ATG16L2: variants seen among roughly 807,000 people sequenced by gnomAD.
ATG16L2 encodes protein Atg16l2.
A neutral mutation model predicts 84.7 loss-of-function variants in ATG16L2; 77 were observed. The ratio of observed to expected loss-of-function variants is 0.91; its 90% confidence interval spans 0.76 to 1.10. The LOEUF is 1.10. Ranked by LOEUF, ATG16L2 falls within the 50% of genes least tolerant of loss-of-function variation. The probability of loss-of-function intolerance (pLI) is 0.00; values close to 1 mark genes in which losing one functional copy is unlikely to be tolerated. For missense variants in ATG16L2, 782 were observed against 817.6 expected, an observed-to-expected ratio of 0.96 and a Z score of 0.53; for synonymous variants, 361 against 342.8, an observed-to-expected ratio of 1.05 and a Z score of -0.59.
At position 72,824,855 on chromosome 11, in the gene ATG16L2, C is replaced by G. The variant is rs1242187703; in HGVS notation, c.996+13C>G. Reference sequence around the variant, plus strand: ...TCAGGATGTGCTGGTAAGGGAGGAGCTGAGCCACATGGGTGGGGCAGTGGT... The same window carrying G: ...TCAGGATGTGCTGGTAAGGGAGGAGGTGAGCCACATGGGTGGGGCAGTGGT... On this transcript the variant is annotated intron_variant, in intron 9 of 17. Transcript: ENST00000321297. 6.4e-7 allele frequency: 1 copy of G among 1,569,500 alleles called. No homozygotes were observed. The highest frequency in any genetic ancestry group is 1.8e-5 in the Admixed American group (1 of 55,406).
At chr11:72,836,377 G>A (rs1860727744) in intron 5 of ATG16L2, among the ~76,000 whole-genome samples, 1 of 152,160 alleles carries the variant, frequency 6.6e-6, no homozygotes, top group African/African-American at 2.4e-5. Flanking sequence ...TCCGGCAAGG[G>A]GACTTCAGTG....
At chr11:72,814,676 C>A in intron 1 of ATG16L2, 113 bp downstream of exon 1, 1 of 803,856 alleles carries the variant, frequency 1.2e-6, no homozygotes, top group Non-Finnish European at 1.8e-6. Context: ...GTGCCTTATG[C>A]CTTGAGCCTG....
intron 5 of ATG16L2, chr11:72,837,899 T>C (rs1381156056): frequency 6.6e-6 from 1 of 152,190 alleles, no homozygotes. Flanking sequence ...AGCTCAACAA[T>C]GCAGGTATGT....
downstream of ATG16L2, among the ~76,000 whole-genome samples, chr11:72,830,351 C>T (rs1591318226): frequency 6.6e-6 from 1 of 152,180 alleles, no homozygotes; most frequent in Non-Finnish European, 1.5e-5. Flanking sequence ...GTGACCCGTT[C>T]CTCCTGCACC....
chr11:72,842,613 T>G (rs1355610727), intron 5 of ATG16L2: 1 of 1,613,876 alleles, frequency 6.2e-7, no homozygotes, highest in Non-Finnish European at 8.5e-7. Context: ...GTCTCCCCTC[T>G]CAGGTACCTG....
exon 6 of ATG16L2, chr11:72,843,165 T>C (rs1383394081): frequency 1.2e-6 from 2 of 1,613,998 alleles, no homozygotes; most frequent in East Asian, 2.2e-5. Flanking sequence ...GGCATCTCCG[T>C]TGAGGCTGCC....
chr11:72,836,085 A>T (rs1860720678), intron 5 of ATG16L2, among the ~76,000 whole-genome samples: 1 of 152,218 alleles, frequency 6.6e-6, no homozygotes, highest in African/African-American at 2.4e-5. Flanking sequence ...GTGTACACTT[A>T]AGAGTCTTAT....
At chr11:72,816,933 G>A in intron 2 of ATG16L2, 106 bp downstream of exon 2, 2 of 863,118 alleles carry the variant, frequency 2.3e-6, no homozygotes, top group Non-Finnish European at 3.7e-6. Flanking sequence ...TCAGCCCTTG[G>A]CTGCTGCCCA....
chr11:72,822,071 G>T lies in ATG16L2; in HGVS notation c.420G>T (p.Ala140=). The part of the protein sequence containing the change: ...SRLAALEARV[A]QLREARAQQA... The stretch of plus-strand genomic sequence containing the variant: ...TGGCAGCCCTGGAGGCCCGCGTGGC[G>T]CAGCTGCGAGAGGCGCGGGCGCAGC... Residue 140 remains alanine (A), a synonymous_variant, in exon 5 of 18, where the codon GCG becomes GCT. Coordinates refer to ENST00000321297, the MANE Select transcript of ATG16L2 (RefSeq NM_033388.2). This position sits in a 1 kb window ranked among gnomAD's most constrained non-coding sequence, Gnocchi z 4.2. 1 of 1,530,006 alleles carries T rather than the reference G, an allele frequency of 6.5e-7. No individual in the cohort carries two copies. The highest frequency in any genetic ancestry group is 8.7e-7 in the Non-Finnish European group (1 of 1,152,582). 94.8% of individuals were successfully genotyped at this position (1,530,006 alleles called of 1,614,324 possible). A position where few individuals can be genotyped will look rare whatever the true frequency, so the allele number is the denominator to read the frequency against.
At chr11:72,838,234 G>A (rs1276836865) in intron 5 of ATG16L2, 2 of 153,398 alleles carry the variant, frequency 1.3e-5, no homozygotes, top group African/African-American at 4.8e-5. Context: ...TAAATTCAGG[G>A]CAGTCCAATT....
intron 5 of ATG16L2, among the ~76,000 whole-genome samples, chr11:72,840,153 G>A (rs1860869006): frequency 6.6e-6 from 1 of 152,094 alleles, no homozygotes; most frequent in East Asian, 1.9e-4. Context: ...AGCTGCCATA[G>A]CGATGCTTTA....
chr11:72,827,142 C>T (rs779406833), intron 13 of ATG16L2, 46 bp from the exon 14 acceptor site: 7 of 1,505,048 alleles, frequency 4.7e-6, no homozygotes, highest in Admixed American at 1.7e-5. Flanking sequence ...GGGTGGCTCC[C>T]GACAACCCTC....
intron 14 of ATG16L2, 83 bp from the exon 15 acceptor site, chr11:72,828,276 A>G: frequency 6.5e-7 from 1 of 1,529,612 alleles, no homozygotes; most frequent in Non-Finnish European, 8.9e-7. Flanking sequence ...GTTAGCTAGG[A>G]AGGCTGCTGC....
In ATG16L2 at chr11:72,821,654, C is replaced by T; in HGVS notation, c.319-14C>T. 2 of 1,532,192 alleles carry T rather than the reference C, an allele frequency of 1.3e-6. No homozygotes were observed. Among genetic ancestry groups the T allele is most frequent in the South Asian group, 1.2e-5 (1 of 83,666 alleles). 94.9% of individuals were successfully genotyped at this position (1,532,192 alleles called of 1,614,324 possible). On this transcript the variant is annotated splice_polypyrimidine_tract_variant and intron_variant, in intron 3 of 17. Coordinates refer to ENST00000321297, the MANE Select transcript of ATG16L2 (RefSeq NM_033388.2). Reference sequence around the variant, plus strand: ...GGGGCCTCAGCGCCGCCGTGCCCACCTGTCCGCCCCCAGATGGCCTACCAG... The same window carrying T: ...GGGGCCTCAGCGCCGCCGTGCCCACTTGTCCGCCCCCAGATGGCCTACCAG...
chr11:72,838,449 A>G, intron 5 of ATG16L2: 1 of 333,226 alleles, frequency 3.0e-6, no homozygotes, highest in Non-Finnish European at 5.8e-6. Flanking sequence ...AGTGCACATG[A>G]TCAGTAATTT....
Position 72,822,139 on chromosome 11 carries a change from A to C in ATG16L2, c.488A>C (p.Gln163Pro), listed in dbSNP as rs1166238586. 2.0e-6 allele frequency: 3 copies of C among 1,502,826 alleles called. No homozygotes were observed. The highest frequency in any genetic ancestry group is 1.3e-5 in the South Asian group (1 of 79,560). The allele number at this position is 1,502,826 out of a possible 1,614,324, so 93.1% of individuals were successfully genotyped here. Residue 163 changes from glutamine to proline, a missense_variant, in exon 5 of 18, where the codon CAG becomes CCG. Transcript: ENST00000321297. This position sits in a 1 kb window ranked among gnomAD's most constrained non-coding sequence, Gnocchi z 4.2. ...VEEWRAQNAV[Q>P]RAAYEALRAH... ...GAGTGGCGGGCGCAGAATGCGGTGC[A>C]GCGGGCAGCCTACGAGGCGCTGCGC...
rs192234097 is a variant in ATG16L2, at chr11:72,823,315, A to G, written c.824+354A>G. 31 of 323,526 alleles carry G rather than the reference A, an allele frequency of 9.6e-5. No homozygotes were observed. The East Asian group carries it at 2.4e-3, about 25-fold the overall frequency. 20.0% of individuals were successfully genotyped at this position (323,526 alleles called of 1,614,324 possible). A position where few individuals can be genotyped will look rare whatever the true frequency, so the allele number is the denominator to read the frequency against. On this transcript the variant is annotated intron_variant, in intron 7 of 17. Coordinates refer to ENST00000321297, the MANE Select transcript of ATG16L2 (RefSeq NM_033388.2). Reference sequence around the variant, plus strand: ...TGTGCGCAGCCATAGGTGTGCAAGCATGTGCATCCGCAGGGACATGAGGCC... The same window carrying G: ...TGTGCGCAGCCATAGGTGTGCAAGCGTGTGCATCCGCAGGGACATGAGGCC...
chr11:72,827,113 C>T (rs1860409944), intron 13 of ATG16L2, 75 bp from the exon 14 acceptor site: 1 of 1,206,116 alleles, frequency 8.3e-7, no homozygotes, highest in Middle Eastern at 2.0e-4. Flanking sequence ...TGGGCCTCAG[C>T]TTCTCCATAT....
At chr11:72,825,130 A>G (rs1336370399) in intron 9 of ATG16L2, among the ~76,000 whole-genome samples, 172 bp from the exon 10 acceptor site, 2 of 152,078 alleles carry the variant, frequency 1.3e-5, no homozygotes, top group East Asian at 3.9e-4. Context: ...CAGAGGTGAG[A>G]ACACCTGGTG....
Sources: allele counts gnomAD v4.1 joint callset (sites outside exome capture counted in the v4.1 genomes callset), GRCh38; gene constraint gnomAD v4.1.1; non-coding constraint Gnocchi (gnomAD v3.1); transcripts MANE v1.5; gene names NCBI Gene and HGNC (gene_info 2026-07-23, HGNC 2026-07-21).